Variants in FH observed in about 807,000 individuals in gnomAD.
FH encodes the protein fumarate hydratase, mitochondrial.
In FH, 22 loss-of-function variants were observed where a neutral mutation model predicts 49.4. The observed-to-expected ratio is 0.45, with a 90% CI of 0.32 to 0.64. FH has a LOEUF of 0.64. FH is among the 30% of genes least tolerant of loss of function. The pLI, the probability that FH is intolerant of heterozygous loss-of-function variation, is 0.05. For synonymous variants in FH, 208 were observed against 223.0 expected, an observed-to-expected ratio of 0.93 and a Z score of 0.60; for missense variants, 526 against 641.5, an observed-to-expected ratio of 0.82 and a Z score of 1.95.
Position 241,517,262 on chromosome 1 carries a change from G to A in FH, c.187C>T (p.Pro63Ser), listed in dbSNP as rs1573888488. 1.2e-6 allele frequency: 2 copies of A among 1,613,978 alleles called. No homozygotes were observed. The highest frequency in any genetic ancestry group is 1.7e-6 in the Non-Finnish European group (2 of 1,180,006). ...EYDTFGELKV[P>S]NDKYYGAQTV... ...TGGGCGCCATAATACTTATCATTTG[G>A]CACCTTTAGTTCACCAAAGGTATCA... Residue 63 changes from proline (P) to serine (S), a missense_variant, in exon 2 of 10, where the codon CCA becomes TCA. By Grantham distance (74) the Pro-to-Ser change is moderately conservative. This residue lies in a region of FH where 143 missense variants were observed against 127.5 expected (regional missense o/e 1.12). Transcript: ENST00000366560.
chr1:241,504,344 T>C (rs1026056743), intron 6 of FH, 99 bp from the exon 7 acceptor site: 4 of 1,174,212 alleles, frequency 3.4e-6, no homozygotes, highest in Non-Finnish European at 4.9e-6. Flanking sequence ...TACGAAAAAA[T>C]AAAAATTTTA....
rs1443879574 is a variant in FH, at chr1:241,517,212, A to C, written c.237T>G (p.Phe79Leu). The change falls in exon 2 of 10, where the codon TTT becomes TTG. Residue 79 changes from phenylalanine (F) to leucine (L), a missense_variant. By Grantham distance (22) the Phe-to-Leu change is conservative. This residue lies in a region of FH where 143 missense variants were observed against 127.5 expected (regional missense o/e 1.12). Coordinates refer to ENST00000366560, the MANE Select transcript of FH (RefSeq NM_000143.4). ...TGCGTTCTGTCACACCTCCAATCTT[A>C]AAGTTCATCGTAGATCTCACGGTCT... is the stretch of plus-strand genomic sequence containing the variant. Reference protein sequence around the residue: ...GAQTVRSTMNFKIGGVTERMP... With the variant: ...GAQTVRSTMNLKIGGVTERMP... 6.2e-7 allele frequency: 1 copy of C among 1,614,184 alleles called. No individual in the cohort carries two copies. Among genetic ancestry groups the C allele is most frequent in the Non-Finnish European group, 8.5e-7 (1 of 1,180,044 alleles).
In FH at chr1:241,513,606, A is replaced by G. The variant is rs964339220; in HGVS notation, c.375T>C (p.Asp125=). The part of the protein sequence containing the change: ...KIANAIMKAA[D]EVAEGKLNDH... ...AAACACACTTATCACCTCCTACCTC[A>G]TCTGCTGCCTTCATTATTGCATTAG... The change falls in exon 3 of 10, where the codon GAT becomes GAC. Residue 125 remains aspartate, a synonymous_variant. Coordinates refer to ENST00000366560, the MANE Select transcript of FH (RefSeq NM_000143.4). 1 of 1,612,076 alleles carries G rather than the reference A, an allele frequency of 6.2e-7. No homozygotes were observed. Among genetic ancestry groups the G allele is most frequent in the African/African-American group, 1.3e-5 (1 of 74,876 alleles).
In FH at chr1:241,506,135, C is replaced by A. The variant is rs751210164; in HGVS notation, c.772G>T (p.Ala258Ser). ...FSGYVQQVKYAMTRIKAAMPR... is the reference protein window; with the variant it reads ...FSGYVQQVKYSMTRIKAAMPR... ...ATGGCAGCTTTTATTCTTGTCATTGCATATTTTACTTGTTGAACATAACCA... is the reference window on the plus strand; with the variant it reads ...ATGGCAGCTTTTATTCTTGTCATTGAATATTTTACTTGTTGAACATAACCA... Residue 258 changes from alanine (A) to serine (S), a missense_variant, in exon 6 of 10, where the codon GCA becomes TCA. This residue lies in a region of FH where 383 missense variants were observed against 514.0 expected (regional missense o/e 0.75). Coordinates refer to ENST00000366560, the MANE Select transcript of FH (RefSeq NM_000143.4). 1 of 1,613,806 alleles carries A rather than the reference C, an allele frequency of 6.2e-7. No individual in the cohort carries two copies. The highest frequency in any genetic ancestry group is 8.5e-7 in the Non-Finnish European group (1 of 1,179,824).
intron 2 of FH, among the ~76,000 whole-genome samples, chr1:241,515,715 A>G (rs1004543578): frequency 6.6e-6 from 1 of 152,212 alleles, no homozygotes; most frequent in Non-Finnish European, 1.5e-5. Flanking sequence ...CCTATCCTGC[A>G]TTGACTATTT....
At chr1:241,509,896 G>A (rs1046507971) in intron 4 of FH, among the ~76,000 whole-genome samples, 4 of 151,318 alleles carry the variant, frequency 2.6e-5, no homozygotes, top group South Asian at 4.2e-4. Flanking sequence ...ATATTTTGAC[G>A]TTTACTATGC....
At position 241,502,697 on chromosome 1, in the gene FH, T is replaced by G; in HGVS notation, c.1109-127A>C. The G allele has an allele frequency of 3.4e-6, 4 of 1,187,132 alleles. No homozygotes were observed. In the South Asian group the frequency reaches 3.9e-5, roughly 12 times the overall value. The allele number at this position is 1,187,132 out of a possible 1,614,324, so 73.5% of individuals were successfully genotyped here. On this transcript the variant is annotated intron_variant, in intron 7 of 9. Transcript: ENST00000366560. ...AAGCAAGGCCCAACCATCAGTGTAATTTAATGAAACAAACCAACCAAGGAA... is the reference window on the plus strand; with the variant it reads ...AAGCAAGGCCCAACCATCAGTGTAAGTTAATGAAACAAACCAACCAAGGAA...
At chr1:241,517,428 C>A (rs2147925397) in intron 1 of FH, 112 bp from the exon 2 acceptor site, 8 of 1,116,718 alleles carry the variant, frequency 7.2e-6, no homozygotes, top group South Asian at 4.1e-5. Flanking sequence ...ATCACAAAGA[C>A]AAAAAAATAC....
At position 241,504,116 on chromosome 1, in the gene FH, A is replaced by C. The variant is rs2147916139; in HGVS notation, c.1034T>G (p.Leu345Trp). ...LMKIANDIRF[L>W]GSGPRSGLGE... ...CAGACCTGACCGAGGACCAGAACCC[A>C]AAAATCGAATATCATTTGCTATCTT... is the stretch of plus-strand genomic sequence containing the variant. Residue 345 changes from leucine (L) to tryptophan (W), a missense_variant, in exon 7 of 10, where the codon TTG (leucine) becomes TGG (tryptophan). By Grantham distance (61) the Leu-to-Trp change is moderately conservative (BLOSUM62 -2). Around this residue, in one of 2 missense-constraint regions of FH, gnomAD observed 383 missense variants for 514.0 expected, o/e 0.75. Coordinates refer to ENST00000366560, the MANE Select transcript of FH (RefSeq NM_000143.4). 1 of 1,614,248 alleles carries C rather than the reference A, an allele frequency of 6.2e-7. No individual in the cohort carries two copies. The highest frequency in any genetic ancestry group is 8.5e-7 in the Non-Finnish European group (1 of 1,180,032).
chr1:241,499,772 T>C (rs947779064), intron 9 of FH, among the ~76,000 whole-genome samples: 5 of 152,202 alleles, frequency 3.3e-5, no homozygotes, highest in African/African-American at 1.2e-4. Context: ...TGCAACATAA[T>C]GCCTCAAAAT....
chr1:241,513,041 G>C (rs1184149999), intron 3 of FH, among the ~76,000 whole-genome samples: 1 of 151,806 alleles, frequency 6.6e-6, no homozygotes, highest in Non-Finnish European at 1.5e-5. Flanking sequence ...TCATAGGCTA[G>C]GCTTTGTGCA....
At chr1:241,513,088 C>T (rs1444158045) in intron 3 of FH, among the ~76,000 whole-genome samples, 1 of 151,948 alleles carries the variant, frequency 6.6e-6, no homozygotes, top group Non-Finnish European at 1.5e-5. Flanking sequence ...TATAATTTAC[C>T]ATATAAATAT....
intron 4 of FH, among the ~76,000 whole-genome samples, chr1:241,509,585 G>C (rs548464975): frequency 6.6e-6 from 1 of 152,290 alleles, no homozygotes; most frequent in South Asian, 2.1e-4. Flanking sequence ...ACCAGCCTGG[G>C]CAACACAGAG....
chr1:241,500,319 TA>T, intron 9 of FH, 117 bp downstream of exon 9: 1 of 981,358 alleles, frequency 1.0e-6, no homozygotes, highest in Non-Finnish European at 1.6e-6. Context: ...GAGATTTTAC[TA>T]AAACCATATT....
At position 241,508,711 on chromosome 1, in the gene FH, T is replaced by C; in HGVS notation, c.630A>G (p.Gly210=). Reference sequence around the variant, plus strand: ...CAAGAGCATCATGTAACTTCTGTAGTCCTGGTAACAGTACTTCATGAACTT... The same window carrying C: ...CAAGAGCATCATGTAACTTCTGTAGCCCTGGTAACAGTACTTCATGAACTT... ...AIEVHEVLLP[G]LQKLHDALDA... is the part of the protein sequence containing the mutation. The change falls in exon 5 of 10, where the codon GGA becomes GGG. Residue 210 remains glycine, a synonymous_variant. Coordinates refer to ENST00000366560, the MANE Select transcript of FH (RefSeq NM_000143.4). The C allele has an allele frequency of 1.9e-6, 3 of 1,613,728 alleles. No homozygotes were observed. The African/African-American group carries it at 4.0e-5, about 22-fold the overall frequency.
At chr1:241,512,348 T>C (rs1660109825) in intron 3 of FH, among the ~76,000 whole-genome samples, 1 of 152,190 alleles carries the variant, frequency 6.6e-6, no homozygotes, top group African/African-American at 2.4e-5. Flanking sequence ...ATCAAAGGTA[T>C]CTTTCTTATC....
In FH at chr1:241,519,429, A is replaced by AAGAG. The variant is rs1309151248; in HGVS notation, c.132+161_132+162insCTCT. The AAGAG allele has an allele frequency of 1.7e-5, 14 of 832,052 alleles. No individual in the cohort carries two copies. The East Asian group carries it at 4.2e-4, about 25-fold the overall frequency. The allele number at this position is 832,052 out of a possible 1,614,324, so 51.5% of individuals were successfully genotyped here. A position where few individuals can be genotyped will look rare whatever the true frequency, so the allele number is the denominator to read the frequency against. The stretch of plus-strand genomic sequence containing the variant: ...TCCCTGCGCCGGAAGAGGCGTCCCG[A>AAGAG]GGCCGGGAGGCCCGCCACGCCGGCA... On this transcript the variant is annotated intron_variant, in intron 1 of 9. Transcript: ENST00000366560.
intron 2 of FH, among the ~76,000 whole-genome samples, chr1:241,514,008 C>T (rs958957600): frequency 6.6e-6 from 1 of 152,064 alleles, no homozygotes; most frequent in African/African-American, 2.4e-5. Context: ...CACACGAATA[C>T]AATCCTATGC....
At chr1:241,506,559 G>C (rs529943310) in intron 5 of FH, among the ~76,000 whole-genome samples, 34 of 152,230 alleles carry the variant, frequency 2.2e-4, no homozygotes, top group South Asian at 6.2e-4. Context: ...CAACTTTGGT[G>C]TAAGAAAAAA....
Sources: allele counts gnomAD v4.1 joint callset (sites outside exome capture counted in the v4.1 genomes callset), GRCh38; gene constraint gnomAD v4.1.1; regional missense constraint gnomAD v4.1.1; transcripts MANE v1.5; gene names NCBI Gene and HGNC (gene_info 2026-07-23, HGNC 2026-07-21).